Variants in ACTG2 observed in about 807,000 individuals in gnomAD.
ACTG2 encodes actin gamma 2, smooth muscle.
In ACTG2, 16 loss-of-function variants were observed where a neutral mutation model predicts 37.6. The ratio of observed to expected loss-of-function variants is 0.43; its 90% CI spans 0.29 to 0.65. The LOEUF (loss-of-function observed/expected upper bound fraction) is 0.65. Among genes scored for constraint, ACTG2 ranks in the 30% least tolerant of loss-of-function variants. The probability of loss-of-function intolerance (pLI) is 0.18; values close to 1 mark genes in which losing one functional copy is unlikely to be tolerated. For synonymous variants in ACTG2, 181 were observed against 179.9 expected (o/e 1.01, Z -0.05); for missense variants, 238 against 490.9 (o/e 0.48, Z 4.87).
intron 1 of ACTG2, among the ~76,000 whole-genome samples, chr2:73,900,670 ATATGT>A (rs1471093009): frequency 6.6e-6 from 1 of 152,164 alleles, no homozygotes; most frequent in African/African-American, 2.4e-5. Context: ...TTTCCTAGTG[ATATGT>A]TATGCTATTG....
At chr2:73,918,902 AAAC>A (rs1234174580) in intron 8 of ACTG2, among the ~76,000 whole-genome samples, 1 of 151,784 alleles carries the variant, frequency 6.6e-6, no homozygotes, top group Non-Finnish European at 1.5e-5. Context: ...GCCAAGTAAC[AAAC>A]AACCGTGGAA....
At chr2:73,908,032 G>T (rs1246393743) in intron 3 of ACTG2, among the ~76,000 whole-genome samples, 1 of 152,172 alleles carries the variant, frequency 6.6e-6, no homozygotes, top group Non-Finnish European at 1.5e-5. Flanking sequence ...TTTTACAACT[G>T]GTTAAATGAA....
At position 73,919,598 on chromosome 2, in the gene ACTG2, A is replaced by T; in HGVS notation, c.*23A>T. ...TAAAGTCAGAACAGGTTCTCCAAGG[A>T]TCCCCTCGAGACTACTCTGTTACCA... On this transcript the variant is annotated 3_prime_UTR_variant, in exon 9 of 9. Transcript: ENST00000345517. The T allele has an allele frequency of 6.2e-7, 1 of 1,611,478 alleles. No individual in the cohort carries two copies. The highest frequency in any genetic ancestry group is 8.5e-7 in the Non-Finnish European group (1 of 1,178,604).
At chr2:73,902,764 A>G in intron 3 of ACTG2, 1 of 1,549,852 alleles carries the variant, frequency 6.5e-7, no homozygotes, top group Non-Finnish European at 8.7e-7. Flanking sequence ...CTTTCTAAAC[A>G]CAGGTCAGCT....
intron 2 of ACTG2, 78 bp downstream of exon 2, chr2:73,901,515 G>T: frequency 7.1e-7 from 1 of 1,410,766 alleles, no homozygotes. Flanking sequence ...TGCTGAGCTG[G>T]GGGTTAGGGG....
Position 73,908,748 on chromosome 2 carries a change from C to T in ACTG2, c.331C>T (p.Leu111=), listed in dbSNP as rs1680067417. ...CCCCACCCTGCTCACAGAGGCTCCCCTAAATCCCAAGGCCAACAGGGAAAA... is the reference window on the plus strand; with the variant it reads ...CCCCACCCTGCTCACAGAGGCTCCCTTAAATCCCAAGGCCAACAGGGAAAA... ...EHPTLLTEAP[L]NPKANREKMT... is the part of the protein sequence containing the mutation. Residue 111 remains leucine (L), a synonymous_variant, in exon 4 of 9, where the codon CTA becomes TTA. Transcript: ENST00000345517. 3 of 1,614,086 alleles carry T rather than the reference C, an allele frequency of 1.9e-6. No individual in the cohort carries two copies. Among genetic ancestry groups the T allele is most frequent in the Non-Finnish European group, 2.5e-6 (3 of 1,179,964 alleles).
intron 1 of ACTG2, 46 bp from the exon 2 acceptor site, chr2:73,901,230 G>C: frequency 7.0e-7 from 1 of 1,420,162 alleles, no homozygotes; most frequent in South Asian, 1.4e-5. Flanking sequence ...TCTCCAAACT[G>C]ATTTGACAAG....
intron 1 of ACTG2, among the ~76,000 whole-genome samples, chr2:73,897,828 T>C (rs1205117285): frequency 6.6e-6 from 1 of 152,172 alleles, no homozygotes; most frequent in African/African-American, 2.4e-5. Flanking sequence ...CACCGTTACA[T>C]GGCAGAAGAG....
At chr2:73,907,830 C>T (rs1255492539) in intron 3 of ACTG2, among the ~76,000 whole-genome samples, 1 of 152,122 alleles carries the variant, frequency 6.6e-6, no homozygotes, top group East Asian at 1.9e-4. Context: ...CTGGTCGGCC[C>T]TCCACAACAA....
chr2:73,909,243 A>G lies in ACTG2; in HGVS notation c.451+104A>G. The G allele has an allele frequency of 2.9e-6, 3 of 1,022,264 alleles. No individual in the cohort carries two copies. The Admixed American group carries it at 6.0e-5, about 20-fold the overall frequency. The allele number at this position is 1,022,264 out of a possible 1,614,324, so 63.3% of individuals were successfully genotyped here. Reference sequence around the variant, plus strand: ...TCAGAAGAATCAAATGGACAGCTGAAGTCCAGGCAAAATCTTTCTTAGGGA... The same window carrying G: ...TCAGAAGAATCAAATGGACAGCTGAGGTCCAGGCAAAATCTTTCTTAGGGA... On this transcript the variant is annotated intron_variant, in intron 5 of 8. Transcript: ENST00000345517.
At chr2:73,913,425 A>T (rs1325727261) in intron 5 of ACTG2, 60 bp from the exon 6 acceptor site, 1 of 1,485,468 alleles carries the variant, frequency 6.7e-7, no homozygotes, top group Non-Finnish European at 9.1e-7. Flanking sequence ...ACAGTCCTAG[A>T]AAGAGACTGA....
In ACTG2 at chr2:73,913,619, G is replaced by A. The variant is rs1680192303; in HGVS notation, c.586G>A (p.Glu196Lys). The change falls in exon 6 of 9, where the codon GAG (glutamate) becomes AAG (lysine). Residue 196 changes from glutamate to lysine, a missense_variant. By Grantham distance (56) the Glu-to-Lys change is moderately conservative. Transcript: ENST00000345517. Reference sequence around the variant, plus strand: ...GGACTACCTCATGAAGATCCTCACAGAGAGAGGCTATTCCTTTGTGACCAC... The same window carrying A: ...GGACTACCTCATGAAGATCCTCACAAAGAGAGGCTATTCCTTTGTGACCAC... ...LTDYLMKILT[E>K]RGYSFVTTAE... 6.2e-7 allele frequency: 1 copy of A among 1,613,508 alleles called. No homozygotes were observed. Among genetic ancestry groups the A allele is most frequent in the Non-Finnish European group, 8.5e-7 (1 of 1,179,678 alleles).
chr2:73,908,545 C>G, intron 3 of ACTG2, 128 bp from the exon 4 acceptor site: 1 of 799,032 alleles, frequency 1.3e-6, no homozygotes. Flanking sequence ...CAGGGCTGAC[C>G]ATTCTCCTCT....
chr2:73,919,606 G>A lies in ACTG2; in HGVS notation c.*31G>A, dbSNP rs376557233. On this transcript the variant is annotated 3_prime_UTR_variant, in exon 9 of 9. Coordinates refer to ENST00000345517, the MANE Select transcript of ACTG2 (RefSeq NM_001615.4). ...GAACAGGTTCTCCAAGGATCCCCTCGAGACTACTCTGTTACCAGTCATGAA... is the reference window on the plus strand; with the variant it reads ...GAACAGGTTCTCCAAGGATCCCCTCAAGACTACTCTGTTACCAGTCATGAA... The A allele has an allele frequency of 1.2e-5, 19 of 1,606,824 alleles. No individual in the cohort carries two copies. The highest frequency in any genetic ancestry group is 1.7e-4 in the Middle Eastern group (1 of 6,036).
chr2:73,919,653 A>C lies in ACTG2; in HGVS notation c.*78A>C. Reference sequence around the variant, plus strand: ...TGAAACATTAAAACCTACAAGCCTTACTTCTCTGTGTGGGGCTCTTTTTTC... The same window carrying C: ...TGAAACATTAAAACCTACAAGCCTTCCTTCTCTGTGTGGGGCTCTTTTTTC... On this transcript the variant is annotated 3_prime_UTR_variant, in exon 9 of 9. Transcript: ENST00000345517. The C allele has an allele frequency of 6.6e-7, 1 of 1,515,026 alleles. No homozygotes were observed. The allele number at this position is 1,515,026 out of a possible 1,614,324, so 93.8% of individuals were successfully genotyped here. A position where few individuals can be genotyped will look rare whatever the true frequency, so the allele number is the denominator to read the frequency against.
chr2:73,909,077 TC>T lies in ACTG2; in HGVS notation c.392del (p.Pro131LeufsTer61). The stretch of plus-strand genomic sequence containing the variant: ...AAGATCATGTTTGAAACCTTCAATG[TC>T]CCTGCCATGTACGTCGCCATTCAAG... ...MTQIMFETFN[V>X]PAMYVAIQAV... On this transcript the variant is annotated frameshift_variant, in exon 5 of 9. Coordinates refer to ENST00000345517, the MANE Select transcript of ACTG2 (RefSeq NM_001615.4). LOFTEE classifies it high-confidence loss of function. The T allele has an allele frequency of 6.2e-7, 1 of 1,614,154 alleles. No individual in the cohort carries two copies. The highest frequency in any genetic ancestry group is 1.1e-5 in the South Asian group (1 of 91,080).
chr2:73,903,953 A>C (rs867212538), intron 3 of ACTG2, among the ~76,000 whole-genome samples: 1,989 of 106,706 alleles, frequency 0.019, 15 homozygotes, highest in South Asian at 0.044. Flanking sequence ...AAAAAAAAAA[A>C]AAAAAACAAA....
intron 1 of ACTG2, 81 bp from the exon 2 acceptor site, chr2:73,901,195 G>T: frequency 1.7e-6 from 2 of 1,198,626 alleles, no homozygotes; most frequent in Non-Finnish European, 2.2e-6. Flanking sequence ...TGCAGGTAGG[G>T]TCAGGCCCCA....
chr2:73,902,828 G>T (rs540329317), intron 3 of ACTG2: 11 of 1,468,164 alleles, frequency 7.5e-6, no homozygotes, highest in Non-Finnish European at 1.0e-5. Context: ...ACCAACAGGG[G>T]GTTCCTAACT....
Sources: allele counts gnomAD v4.1 joint callset (sites outside exome capture counted in the v4.1 genomes callset), GRCh38; gene constraint gnomAD v4.1.1; transcripts MANE v1.5; gene names NCBI Gene and HGNC (gene_info 2026-07-23, HGNC 2026-07-21).